Variants in RBMS3 observed in about 807,000 individuals in gnomAD.
RBMS3 encodes the protein RNA binding motif single stranded interacting protein 3, also known as RNA-binding motif, single-stranded-interacting protein 3.
In RBMS3, 27 loss-of-function variants were observed where a neutral mutation model predicts 66.8. The observed-to-expected ratio is 0.40, with a 90% CI of 0.30 to 0.56. The LOEUF (loss-of-function observed/expected upper bound fraction) is 0.56, where lower values mean the gene tolerates loss of function less well. Ranked by LOEUF, RBMS3 falls within the 20% of genes least tolerant of loss-of-function variation. RBMS3 has a pLI of 0.40. For synonymous variants in RBMS3, 188 were observed against 183.0 expected (o/e 1.03, Z -0.22); for missense variants, 513 against 549.5 (o/e 0.93, Z 0.66).
intron 3 of RBMS3, among the ~76,000 whole-genome samples, chr3:29,584,674 C>T (rs1273162558): frequency 6.6e-6 from 1 of 152,092 alleles, no homozygotes; most frequent in Non-Finnish European, 1.5e-5. Context: ...CAAACAAAAC[C>T]AGTGGTAATC....
At position 29,509,367 on chromosome 3, in the gene RBMS3, G is replaced by C. The variant is rs546605009; in HGVS notation, c.307+20868G>C. 2.3e-4 allele frequency among the ~76,000 whole-genome samples: 35 copies of C among 152,252 alleles called. 1 individual carries two copies. The South Asian group carries it at 7.3e-3, about 32-fold the overall frequency. On this transcript the variant is annotated intron_variant, in intron 3 of 14. Transcript: ENST00000383767. ...ATTTACTAATAATGACTAATATATA[G>C]TGAGCATTTTCTATGTACATAAATT...
chr3:29,399,886 A>C (rs568841570), intron 1 of RBMS3, among the ~76,000 whole-genome samples: 1 of 152,250 alleles, frequency 6.6e-6, no homozygotes, highest in South Asian at 2.1e-4. Flanking sequence ...TCCCAAGAGA[A>C]TTATAGAAAA....
chr3:29,427,456 G>T (rs917159209), intron 1 of RBMS3, among the ~76,000 whole-genome samples: 4 of 152,198 alleles, frequency 2.6e-5, no homozygotes, highest in Admixed American at 2.0e-4. Context: ...CTCTCACGTT[G>T]TGTTCACACT....
At chr3:29,959,393 C>T (rs192732512) in intron 12 of RBMS3, among the ~76,000 whole-genome samples, 2 of 152,264 alleles carry the variant, frequency 1.3e-5, no homozygotes, top group Non-Finnish European at 2.9e-5. Context: ...ATTCTCAGGC[C>T]TTGACCCAGA....
chr3:29,404,875 G>T (rs2039949407), intron 1 of RBMS3, among the ~76,000 whole-genome samples: 1 of 152,174 alleles, frequency 6.6e-6, no homozygotes, highest in African/African-American at 2.4e-5. Flanking sequence ...ACAAATATGT[G>T]ACTATAAAAA....
intron 2 of RBMS3, among the ~76,000 whole-genome samples, chr3:29,472,715 C>T (rs6773745): frequency 0.24 from 35,555 of 150,208 alleles, 4,326 homozygotes; most frequent in African/African-American, 0.3. Context: ...TTCGTGGTCT[C>T]GCTGGCTTCA....
chr3:29,835,474 G>A lies in RBMS3; in HGVS notation c.638-33384G>A, dbSNP rs372578351. On this transcript the variant is annotated intron_variant, in intron 6 of 14. Coordinates refer to ENST00000383767, the MANE Select transcript of RBMS3 (RefSeq NM_001003793.3). The stretch of plus-strand genomic sequence containing the variant: ...GTATAAAACTAGAGATCAATAACAG[G>A]AAGTATACTGGAAAATTTACAAATA... 2.9e-3 allele frequency among the ~76,000 whole-genome samples: 440 copies of A among 151,932 alleles called. 1 individual carries two copies. The highest frequency in any genetic ancestry group is 9.8e-3 in the African/African-American group (406 of 41,504).
At chr3:29,719,948 G>A in intron 4 of RBMS3, among the ~76,000 whole-genome samples, 1 of 148,662 alleles carries the variant, frequency 6.7e-6, no homozygotes, top group East Asian at 2.0e-4. Flanking sequence ...TTTTTTTTAG[G>A]CAAATCAGAT....
At chr3:29,855,594 C>T (rs2059053347) in intron 6 of RBMS3, among the ~76,000 whole-genome samples, 3 of 152,102 alleles carry the variant, frequency 2.0e-5, no homozygotes, top group Admixed American at 6.5e-5. Context: ...GGAAAGATTT[C>T]CAGTGCCTAT....
intron 1 of RBMS3, among the ~76,000 whole-genome samples, chr3:29,433,349 C>T (rs2041279527): frequency 6.6e-6 from 1 of 152,224 alleles, no homozygotes; most frequent in East Asian, 1.9e-4. Flanking sequence ...AGTTTCCCCA[C>T]TGGAATCTTG....
chr3:29,906,942 A>G (rs1273361366), intron 10 of RBMS3, among the ~76,000 whole-genome samples: 1 of 152,106 alleles, frequency 6.6e-6, no homozygotes, highest in East Asian at 1.9e-4. Flanking sequence ...TTCAGTGAAT[A>G]TTTTCCATTT....
intron 1 of RBMS3, among the ~76,000 whole-genome samples, chr3:29,286,544 C>G (rs570344564): frequency 6.6e-6 from 1 of 152,050 alleles, no homozygotes; most frequent in African/African-American, 2.4e-5. Flanking sequence ...CTTTCACTTT[C>G]TTTCAATTTG....
At chr3:29,372,463 T>A (rs1243372024) in intron 1 of RBMS3, among the ~76,000 whole-genome samples, 3 of 152,104 alleles carry the variant, frequency 2.0e-5, no homozygotes, top group Non-Finnish European at 4.4e-5. Flanking sequence ...ATAAACAGGA[T>A]GTTACCTAGT....
chr3:29,401,468 T>C (rs1455939718), intron 1 of RBMS3, among the ~76,000 whole-genome samples: 1 of 152,070 alleles, frequency 6.6e-6, no homozygotes, highest in Non-Finnish European at 1.5e-5. Flanking sequence ...TATATACCTC[T>C]TCATCATGAG....
In RBMS3 at chr3:29,658,183, G is replaced by A. The variant is rs149316567; in HGVS notation, c.399+70978G>A. 4.6e-5 allele frequency among the ~76,000 whole-genome samples: 7 copies of A among 152,318 alleles called. No individual in the cohort carries two copies. In the East Asian group the frequency reaches 1.2e-3, roughly 25 times the overall value. On this transcript the variant is annotated intron_variant, in intron 4 of 14. Coordinates refer to ENST00000383767, the MANE Select transcript of RBMS3 (RefSeq NM_001003793.3). ...TCTTAGCAGGAATTAATAAAATGAT[G>A]TTTGTGAAGATCTTATAACATTATG...
At chr3:29,777,458 T>G (rs2149404219) in intron 6 of RBMS3, among the ~76,000 whole-genome samples, 1 of 152,022 alleles carries the variant, frequency 6.6e-6, no homozygotes, top group African/African-American at 2.4e-5. Context: ...TTAATGCGTT[T>G]TATTAGTAAA....
chr3:29,362,546 G>T (rs571689258), intron 1 of RBMS3, among the ~76,000 whole-genome samples: 1 of 152,278 alleles, frequency 6.6e-6, no homozygotes, highest in South Asian at 2.1e-4. Flanking sequence ...CACACTCCGT[G>T]CTGGGAGAAC....
chr3:29,963,689 G>T (rs1696630626), intron 12 of RBMS3, among the ~76,000 whole-genome samples: 1 of 151,972 alleles, frequency 6.6e-6, no homozygotes, highest in Admixed American at 6.6e-5. Flanking sequence ...TTAATTGGGT[G>T]TGGTGGCGCG....
At chr3:29,884,422 T>TTCCCTCTC (rs2059810695) in intron 8 of RBMS3, among the ~76,000 whole-genome samples, 14 of 41,882 alleles carry the variant, frequency 3.3e-4, no homozygotes, top group African/African-American at 1.4e-3. Flanking sequence ...TTAAACCCTG[T>TTCCCTCTC]TCTCTCTCTC....
Sources: allele counts gnomAD v4.1 joint callset (sites outside exome capture counted in the v4.1 genomes callset), GRCh38; gene constraint gnomAD v4.1.1; transcripts MANE v1.5; gene names NCBI Gene and HGNC (gene_info 2026-07-23, HGNC 2026-07-21).